SHPRH: variants seen among roughly 807,000 people sequenced by gnomAD.
SHPRH encodes E3 ubiquitin-protein ligase SHPRH.
A neutral mutation model predicts 202.5 loss-of-function variants in SHPRH; 106 were observed. That is an observed-to-expected ratio of 0.52 (90% CI 0.45 to 0.62). The LOEUF (loss-of-function observed/expected upper bound fraction) is 0.62. Among genes scored for constraint, SHPRH ranks in the 20% least tolerant of loss-of-function variants. The probability of loss-of-function intolerance (pLI) is 0.00; values close to 1 mark genes in which losing one functional copy is unlikely to be tolerated. For synonymous variants in SHPRH, 729 were observed against 686.0 expected, an observed-to-expected ratio of 1.06 and a Z score of -0.98; for missense variants, 1,710 against 2,020.0, an observed-to-expected ratio of 0.85 and a Z score of 2.94.
In SHPRH at chr6:145,933,070, A is replaced by T. The variant is rs1785646017; in HGVS notation, c.3099T>A (p.Ile1033=). 6.2e-7 allele frequency: 1 copy of T among 1,613,620 alleles called. No individual in the cohort carries two copies. Among genetic ancestry groups the T allele is most frequent in the Admixed American group, 1.7e-5 (1 of 59,986 alleles). Residue 1033 remains isoleucine (I), a synonymous_variant, in exon 14 of 30, where the codon ATT becomes ATA. Coordinates refer to ENST00000275233, the MANE Select transcript of SHPRH (RefSeq NM_001042683.3). ...LVCALNGLAG[I]HIIKGEYALA... ...ATCACCTTCTACCTTTAATAATATG[A>T]ATGCCTGCTAAGCCATTGAGAGCAC...
the SHPRH span, among the ~76,000 whole-genome samples, chr6:145,857,922 C>T: frequency 4.6e-5 from 7 of 152,040 alleles, no homozygotes; most frequent in South Asian, 2.1e-4. Flanking sequence ...TTGCACAGAC[C>T]TTCCACCAAA....
At chr6:145,924,117 G>A (rs1784661801) in intron 17 of SHPRH, among the ~76,000 whole-genome samples, 1 of 151,858 alleles carries the variant, frequency 6.6e-6, no homozygotes, top group Non-Finnish European at 1.5e-5. Flanking sequence ...AAGGTCACAG[G>A]TCTCTTTATC....
At chr6:145,901,054 T>C (rs1025108543) in intron 25 of SHPRH, among the ~76,000 whole-genome samples, 3 of 152,114 alleles carry the variant, frequency 2.0e-5, no homozygotes, top group Non-Finnish European at 2.9e-5. Flanking sequence ...CCATAATATC[T>C]ACATATATTA....
chr6:145,883,083 AT>A (rs1239438676), downstream of SHPRH: 4 of 152,240 alleles, frequency 2.6e-5, no homozygotes, highest in Non-Finnish European at 5.9e-5. Flanking sequence ...AAGGCAGACC[AT>A]TTAAAAAAGG....
chr6:145,957,528 A>C (rs1453994165), intron 1 of SHPRH, among the ~76,000 whole-genome samples: 1 of 152,190 alleles, frequency 6.6e-6, no homozygotes. Context: ...AAACATTTAA[A>C]AAAGTCAAAA....
intron 3 of SHPRH, among the ~76,000 whole-genome samples, chr6:145,951,449 C>G (rs1458610909): frequency 2.0e-5 from 3 of 151,874 alleles, no homozygotes; most frequent in Non-Finnish European, 4.4e-5. Flanking sequence ...CAGCTTTATG[C>G]TCAGTTGTTT....
At position 145,927,207 on chromosome 6, in the gene SHPRH, G is replaced by T. The variant is rs1463408241; in HGVS notation, c.3183C>A (p.Leu1061=). The T allele has an allele frequency of 1.9e-6, 3 of 1,611,818 alleles. No individual in the cohort carries two copies. The African/African-American group carries it at 4.0e-5, about 22-fold the overall frequency. The stretch of plus-strand genomic sequence containing the variant: ...TACTTACTTGAAGTGAATCAGTTTT[G>T]AGTTTTCCTTTGTGTTCCTCCGAGG... ...LRSSEEHKGK[L]KTDSLQRLHA... The change falls in exon 15 of 30, where the codon CTC becomes CTA. Residue 1061 remains leucine, a synonymous_variant. Transcript: ENST00000275233.
At chr6:145,926,421 T>G (rs1193092854) in intron 15 of SHPRH, 125 bp from the exon 16 acceptor site, 5 of 843,050 alleles carry the variant, frequency 5.9e-6, no homozygotes, top group Non-Finnish European at 9.2e-6. Flanking sequence ...ATACTTTTCC[T>G]ATAAAAAAAT....
In SHPRH at chr6:145,888,055, T is replaced by C. The variant is rs200703715; in HGVS notation, c.4920A>G (p.Glu1640=). The C allele has an allele frequency of 6.2e-7, 1 of 1,613,250 alleles. No individual in the cohort carries two copies. Among genetic ancestry groups the C allele is most frequent in the Non-Finnish European group, 8.5e-7 (1 of 1,179,390 alleles). Residue 1640 remains glutamate (E), a synonymous_variant, in exon 29 of 30, where the codon GAA becomes GAG. Coordinates refer to ENST00000275233, the MANE Select transcript of SHPRH (RefSeq NM_001042683.3). ...CAGTTTTCAGCATTGCCTGCATTCT[T>C]TCTTCTATTGTTGCTTTAATTAAGA... is the stretch of plus-strand genomic sequence containing the variant. ...HRFLIKATIE[E]RMQAMLKTAE...
At chr6:145,881,930 G>T (rs1780603390), downstream of SHPRH, among the ~76,000 whole-genome samples, 1 of 151,808 alleles carries the variant, frequency 6.6e-6, no homozygotes, top group Non-Finnish European at 1.5e-5. Flanking sequence ...ATAGCGAAAC[G>T]CTGTCTCTAC....
At chr6:145,932,932 T>G in intron 14 of SHPRH, 125 bp downstream of exon 14, 1 of 1,071,440 alleles carries the variant, frequency 9.3e-7, no homozygotes, top group Non-Finnish European at 1.3e-6. Context: ...CTATATTCAG[T>G]AGTGTGTGAG....
intron 23 of SHPRH, 35 bp downstream of exon 23, chr6:145,918,096 G>A (rs758858162): frequency 1.3e-6 from 2 of 1,519,112 alleles, no homozygotes; most frequent in South Asian, 2.4e-5. Flanking sequence ...TGATAATGCA[G>A]CATAGGAAAA....
At chr6:145,881,098 A>G (rs532149237), downstream of SHPRH, among the ~76,000 whole-genome samples, 1 of 152,366 alleles carries the variant, frequency 6.6e-6, no homozygotes, top group Admixed American at 6.5e-5. Context: ...TTGGAGTAAA[A>G]CAATGTAAAA....
chr6:145,916,806 G>A (rs1159954111), intron 23 of SHPRH, among the ~76,000 whole-genome samples: 2 of 151,052 alleles, frequency 1.3e-5, no homozygotes, highest in African/African-American at 4.9e-5. Context: ...TTTTTGAGAT[G>A]GAATCTCGCT....
intron 11 of SHPRH, among the ~76,000 whole-genome samples, chr6:145,936,976 A>ATCT (rs1466330307): frequency 0.02 from 1,435 of 73,310 alleles, 67 homozygotes; most frequent in African/African-American, 0.093. Context: ...CACATGCTTC[A>ATCT]TCTTTTTTTT....
rs746494970 is a variant in SHPRH, at chr6:145,941,798, T to A, written c.2315A>T (p.Tyr772Phe). 1 of 1,613,910 alleles carries A rather than the reference T, an allele frequency of 6.2e-7. No individual in the cohort carries two copies. The highest frequency in any genetic ancestry group is 1.7e-5 in the Admixed American group (1 of 59,948). ...LAEQDIVIIT[Y>F]DVLRSELNYV... ...ATTTAATTCTGAACGCAGTACATCA[T>A]AGGTAATGATAACTATATCCTGTTC... The change falls in exon 10 of 30, where the codon TAT becomes TTT. Residue 772 changes from tyrosine to phenylalanine, a missense_variant. By Grantham distance (22) the Tyr-to-Phe change is conservative. Around this residue, in one of 8 missense-constraint regions of SHPRH, gnomAD observed 277 missense variants for 363.0 expected, o/e 0.76. Coordinates refer to ENST00000275233, the MANE Select transcript of SHPRH (RefSeq NM_001042683.3).
intron 28 of SHPRH, 25 bp downstream of exon 28, chr6:145,893,190 G>C: frequency 6.7e-7 from 1 of 1,492,268 alleles, no homozygotes; most frequent in Non-Finnish European, 8.9e-7. Context: ...AAGCAAATGT[G>C]ACTGATTCTA....
intron 25 of SHPRH, 89 bp from the exon 26 acceptor site, chr6:145,895,066 C>T: frequency 8.8e-7 from 1 of 1,136,038 alleles, no homozygotes; most frequent in Non-Finnish European, 1.3e-6. Context: ...TTTTTATTAT[C>T]AAAACTATAA....
rs1787365321 is a variant in SHPRH at position 145,946,282 on chromosome 6, T to C, written c.1272A>G (p.Thr424=). Residue 424 remains threonine (T), a synonymous_variant, in exon 7 of 30, where the codon ACA becomes ACG. Coordinates refer to ENST00000275233, the MANE Select transcript of SHPRH (RefSeq NM_001042683.3). ...GTTCAAATTCGATATTCTGGATTTCTGTCTTTTTCAGTTTTCCTCCAAAAT... is the reference window on the plus strand; with the variant it reads ...GTTCAAATTCGATATTCTGGATTTCCGTCTTTTTCAGTTTTCCTCCAAAAT... ...SHYFGGKLKK[T]EIQNIEFEPK... The C allele has an allele frequency of 1.2e-6, 2 of 1,609,328 alleles. No individual in the cohort carries two copies.
Sources: gnomAD v4.1 joint callset for allele counts (sites outside exome capture counted in the v4.1 genomes callset) on GRCh38, gnomAD v4.1.1 for gene constraint, gnomAD v4.1.1 regional missense constraint, MANE v1.5 for transcripts, NCBI Gene and HGNC (gene_info 2026-07-23, HGNC 2026-07-21) for gene names.